ERC1: variants seen among roughly 807,000 people sequenced by gnomAD.
ERC1 encodes the protein RAB6 interacting protein 2.
A neutral mutation model predicts 132.0 loss-of-function variants in ERC1; 56 were observed. The ratio of observed to expected loss-of-function variants is 0.42; its 90% confidence interval spans 0.34 to 0.53. ERC1 has a LOEUF of 0.53. Ranked by LOEUF, ERC1 falls within the 20% of genes least tolerant of loss-of-function variation. The pLI is 0.03. For missense variants in ERC1, 1,202 were observed against 1,349.9 expected (o/e 0.89, Z 1.72); for synonymous variants, 478 against 476.1 (o/e 1.00, Z -0.05).
At chr12:1,351,515 G>C (rs1264634506) in intron 15 of ERC1, among the ~76,000 whole-genome samples, 2 of 152,062 alleles carry the variant, frequency 1.3e-5, no homozygotes, top group Non-Finnish European at 2.9e-5. Flanking sequence ...AGTGTGTAGT[G>C]GTATCTCATT....
At chr12:1,291,978 T>C (rs1450308626) in intron 15 of ERC1, among the ~76,000 whole-genome samples, 1 of 152,174 alleles carries the variant, frequency 6.6e-6, no homozygotes, top group Admixed American at 6.5e-5. Flanking sequence ...GTTAGCGTTT[T>C]TCCCTTAAGA....
chr12:1,083,468 C>T lies in ERC1; in HGVS notation c.974C>T (p.Ala325Val). 1 of 1,614,186 alleles carries T rather than the reference C, an allele frequency of 6.2e-7. No homozygotes were observed. The highest frequency in any genetic ancestry group is 1.7e-5 in the Admixed American group (1 of 60,026). ...CAGAGCAAAGGACTTTCTGCCAAGG[C>T]TACCGAGGAAGACCATGAGAGAACA... ...MLQSKGLSAK[A>V]TEEDHERTRR... Residue 325 changes from alanine to valine, a missense_variant, in exon 3 of 19, where the codon GCT becomes GTT. By Grantham distance (64) the Ala-to-Val change is moderately conservative. Transcript: ENST00000360905.
At chr12:1,022,664 G>T (rs976202283) in intron 1 of ERC1, among the ~76,000 whole-genome samples, 1 of 152,040 alleles carries the variant, frequency 6.6e-6, no homozygotes, top group South Asian at 2.1e-4. Flanking sequence ...TCACGAGATC[G>T]ATTTTATTTT....
At chr12:1,393,368 C>CA (rs2090140709) in intron 16 of ERC1, among the ~76,000 whole-genome samples, 1 of 152,066 alleles carries the variant, frequency 6.6e-6, no homozygotes, top group Non-Finnish European at 1.5e-5. Flanking sequence ...CATCTCTACA[C>CA]AACAAAAATT....
intron 2 of ERC1, among the ~76,000 whole-genome samples, 153 bp downstream of exon 2, chr12:1,028,725 C>T (rs1193697807): frequency 6.6e-6 from 1 of 152,114 alleles, no homozygotes; most frequent in Non-Finnish European, 1.5e-5. Flanking sequence ...ATTTCTCAGC[C>T]CTTTCCAAAT....
At chr12:1,184,824 T>C (rs183435237) in intron 11 of ERC1, among the ~76,000 whole-genome samples, 27 of 152,148 alleles carry the variant, frequency 1.8e-4, no homozygotes, top group African/African-American at 6.0e-4. Flanking sequence ...GTAATCATAG[T>C]TTACTGTGAC....
At chr12:1,044,582 CTGACA>C (rs1397865454) in intron 2 of ERC1, among the ~76,000 whole-genome samples, 2 of 152,074 alleles carry the variant, frequency 1.3e-5, no homozygotes, top group Admixed American at 6.6e-5. Flanking sequence ...ACAAGACTAC[CTGACA>C]TAATAGGTAT....
chr12:1,200,177 T>C (rs1254700859), intron 12 of ERC1, among the ~76,000 whole-genome samples: 2 of 152,186 alleles, frequency 1.3e-5, no homozygotes, highest in African/African-American at 4.8e-5. Context: ...TTATTTTTCA[T>C]AAATCTTCTA....
intron 7 of ERC1, among the ~76,000 whole-genome samples, chr12:1,130,573 A>G (rs1218585808): frequency 6.6e-6 from 1 of 152,028 alleles, no homozygotes; most frequent in Admixed American, 6.6e-5. Context: ...TTTTCAAGGG[A>G]AAATGAGTGA....
intron 14 of ERC1, among the ~76,000 whole-genome samples, chr12:1,274,399 AT>A (rs2078096565): frequency 6.6e-6 from 1 of 152,192 alleles, no homozygotes; most frequent in Non-Finnish European, 1.5e-5. Context: ...AAAGTATAGT[AT>A]TTTATAAAAG....
chr12:1,154,226 T>C (rs1055910175), intron 8 of ERC1, among the ~76,000 whole-genome samples: 4 of 72,226 alleles, frequency 5.5e-5, no homozygotes, highest in African/African-American at 3.1e-4. Context: ...TGTATATGTA[T>C]ATGTATATGT....
chr12:1,405,138 T>C (rs2154392618), intron 16 of ERC1, among the ~76,000 whole-genome samples: 1 of 122,188 alleles, frequency 8.2e-6, no homozygotes, highest in South Asian at 2.7e-4. Flanking sequence ...AGACTCCGGC[T>C]CAAAAAATAT....
At chr12:1,226,759 C>T (rs1439394585) in intron 12 of ERC1, among the ~76,000 whole-genome samples, 2 of 152,198 alleles carry the variant, frequency 1.3e-5, no homozygotes, top group South Asian at 2.1e-4. Context: ...TCACTGCAGC[C>T]TCCACCTCCT....
At chr12:1,304,827 C>T (rs376943965) in intron 15 of ERC1, among the ~76,000 whole-genome samples, 60 of 118,196 alleles carry the variant, frequency 5.1e-4, no homozygotes, top group South Asian at 1.2e-3. Context: ...TCTCGCTCTG[C>T]TGCCCGGGCT....
chr12:1,418,641 T>TC (rs2092274038), intron 17 of ERC1, among the ~76,000 whole-genome samples: 7 of 78,826 alleles, frequency 8.9e-5, no homozygotes, highest in African/African-American at 2.4e-4. Flanking sequence ...CTTTCTTTCT[T>TC]TCTCTCTCTC....
intron 18 of ERC1, among the ~76,000 whole-genome samples, chr12:1,470,450 G>GTTTTTTTTTTTTTTTTTTTTTTTTTTTTT (rs927630311): frequency 7.0e-6 from 1 of 142,426 alleles, no homozygotes; most frequent in Non-Finnish European, 1.5e-5. Context: ...GGTTTTTTTT[G>GTTTTTTTTTTTTTTTTTTTTTTTTTTTTT]TTTTTTTTTT....
rs2093116733 is a variant in ERC1 at position 1,440,603 on chromosome 12, TGTGTGTGTGTGTGTGTGTGTGTGTG to T, written c.3025-3958_3025-3934del. On this transcript the variant is annotated intron_variant, in intron 17 of 18. Transcript: ENST00000360905. ...GCAATCCCCCTGCCTCAGCCTTTTGTGTGTGTGTGTGTGTGTGTGTGTGTGTGTGTGTGTGTGTGTGTGTGTGTGT... is the reference window on the plus strand; with the variant it reads ...GCAATCCCCCTGCCTCAGCCTTTTGTTGTGTGTGTGTGTGTGTGTGTGTGT... Among the ~76,000 whole-genome samples, 12 of 15,094 alleles carry T rather than the reference TGTGTGTGTGTGTGTGTGTGTGTGTG, an allele frequency of 8.0e-4. 1 individual carries two copies. Among genetic ancestry groups the T allele is most frequent in the South Asian group, 2.4e-3 (1 of 412 alleles). 9.9% of individuals were successfully genotyped at this position (15,094 alleles called of 152,430 possible). A position where few individuals can be genotyped will look rare whatever the true frequency, so the allele number is the denominator to read the frequency against.
chr12:1,126,986 CAAAAAAAAAA>C (rs71055135), intron 7 of ERC1, among the ~76,000 whole-genome samples: 126 of 114,212 alleles, frequency 1.1e-3, no homozygotes, highest in African/African-American at 3.6e-3. Flanking sequence ...GATTCTGTCT[CAAAAAAAAAA>C]AAAAAAAAAA....
intron 16 of ERC1, among the ~76,000 whole-genome samples, chr12:1,394,881 T>C (rs1425211604): frequency 6.6e-6 from 1 of 152,250 alleles, no homozygotes; most frequent in African/African-American, 2.4e-5. Context: ...GCCACTCAGA[T>C]AACCTAAATT....
Sources: allele counts gnomAD v4.1 joint callset (sites outside exome capture counted in the v4.1 genomes callset), GRCh38; gene constraint gnomAD v4.1.1; transcripts MANE v1.5; gene names NCBI Gene and HGNC (gene_info 2026-07-23, HGNC 2026-07-21).